The following CSMD1 variants were observed in gnomAD, a reference collection of about 807,000 sequenced individuals.
CSMD1 encodes the protein CUB and sushi domain-containing protein 1.
Under a neutral mutation model 417.5 loss-of-function variants are expected in CSMD1, and 213 were observed. The ratio of observed to expected loss-of-function variants is 0.51; its 90% confidence interval spans 0.46 to 0.57. CSMD1 has a LOEUF of 0.57. CSMD1 is among the 20% of genes least tolerant of loss of function. CSMD1 has a pLI of 0.00. For missense variants in CSMD1, 6,923 were observed against 4,529.7 expected (o/e 1.53, Z -15.17); for synonymous variants, 2,862 against 1,736.8 (o/e 1.65, Z -16.11).
intron 26 of CSMD1, among the ~76,000 whole-genome samples, chr8:3,282,913 A>C (rs1163836549): frequency 6.6e-6 from 1 of 152,168 alleles, no homozygotes. Flanking sequence ...TGCAAATTCC[A>C]CTTGTTTTAT....
At chr8:4,960,389 C>A (rs573799532) in intron 1 of CSMD1, among the ~76,000 whole-genome samples, 2 of 152,266 alleles carry the variant, frequency 1.3e-5, no homozygotes, top group East Asian at 1.9e-4. Context: ...TTTGAGAGAG[C>A]TGGCAAGCTA....
At position 3,931,619 on chromosome 8, in the gene CSMD1, G is replaced by C. The variant is rs974175029; in HGVS notation, c.818+66284C>G. ...TCAAATCATTGCGCCAAGAGTTAGAGACAGAGAAAAGTGCCTCAGGATGTC... is the reference window on the plus strand; with the variant it reads ...TCAAATCATTGCGCCAAGAGTTAGACACAGAGAAAAGTGCCTCAGGATGTC... On this transcript the variant is annotated intron_variant, in intron 5 of 69. Transcript: ENST00000635120. Among the ~76,000 whole-genome samples the C allele has an allele frequency of 2.0e-5, 3 of 149,874 alleles. 1 individual carries two copies. The East Asian group carries it at 5.9e-4, about 30-fold the overall frequency.
In CSMD1 at chr8:4,232,015, G is replaced by A. The variant is rs76478243; in HGVS notation, c.415+187938C>T. Among the ~76,000 whole-genome samples, 1,196 of 152,242 alleles carry A rather than the reference G, an allele frequency of 7.9e-3. 20 individuals are homozygous for A. The highest frequency in any genetic ancestry group is 0.026 in the African/African-American group (1,100 of 41,532). ...TAAAGCAAAGCCATCGACATAGGAC[G>A]TAAGTATGAAACAATATGTTGGCCT... On this transcript the variant is annotated intron_variant, in intron 3 of 69. Transcript: ENST00000635120.
chr8:4,163,291 T>C (rs1714739), intron 3 of CSMD1, among the ~76,000 whole-genome samples: 1 of 152,028 alleles, frequency 6.6e-6, no homozygotes, highest in Non-Finnish European at 1.5e-5. Flanking sequence ...GTATGTTTAG[T>C]TTTCTAAGAA....
intron 5 of CSMD1, among the ~76,000 whole-genome samples, chr8:3,871,688 T>C (rs1006590889): frequency 2.0e-5 from 3 of 152,230 alleles, no homozygotes; most frequent in African/African-American, 4.8e-5. Context: ...TCAATCATTT[T>C]CACCCAGGTA....
chr8:3,047,872 T>C (rs974983909), intron 50 of CSMD1, among the ~76,000 whole-genome samples: 1 of 152,286 alleles, frequency 6.6e-6, no homozygotes, highest in African/African-American at 2.4e-5. Context: ...CACAGAAATA[T>C]GGCTCATAGG....
chr8:4,522,855 A>G (rs964533639), intron 2 of CSMD1, among the ~76,000 whole-genome samples: 3 of 152,204 alleles, frequency 2.0e-5, no homozygotes, highest in African/African-American at 7.2e-5. Flanking sequence ...TCAGGGAACC[A>G]TGCCCTGGCT....
intron 1 of CSMD1, among the ~76,000 whole-genome samples, chr8:4,884,491 TG>T (rs199869988): frequency 0.015 from 2,315 of 152,194 alleles, 16 homozygotes; most frequent in Middle Eastern, 0.051. Flanking sequence ...GTGTTTTCTT[TG>T]TAAGGATTTT....
At chr8:4,114,217 A>G (rs1026753976) in intron 3 of CSMD1, among the ~76,000 whole-genome samples, 1 of 152,218 alleles carries the variant, frequency 6.6e-6, no homozygotes, top group African/African-American at 2.4e-5. Flanking sequence ...CTTTTAGTGG[A>G]AACCAATGTT....
At chr8:4,525,638 A>G (rs1796475212) in intron 2 of CSMD1, among the ~76,000 whole-genome samples, 1 of 152,104 alleles carries the variant, frequency 6.6e-6, no homozygotes, top group Non-Finnish European at 1.5e-5. Flanking sequence ...GGTTTTTGTC[A>G]TTACTTTTAA....
At chr8:4,304,067 G>A (rs551899199) in intron 3 of CSMD1, among the ~76,000 whole-genome samples, 7 of 152,100 alleles carry the variant, frequency 4.6e-5, no homozygotes, top group Non-Finnish European at 8.8e-5. Context: ...ACAAAGCCTC[G>A]ATGAAACCCT....
chr8:4,566,561 G>C (rs192098176), intron 2 of CSMD1, among the ~76,000 whole-genome samples: 20 of 150,782 alleles, frequency 1.3e-4, no homozygotes, highest in Middle Eastern at 3.5e-3. Context: ...GCTGAGGCAG[G>C]AGAGTGGCGT....
intron 15 of CSMD1, among the ~76,000 whole-genome samples, chr8:3,403,654 A>T (rs1201067107): frequency 6.6e-6 from 1 of 152,178 alleles, no homozygotes; most frequent in Non-Finnish European, 1.5e-5. Context: ...TGTGGCCAGG[A>T]CAGAACAGAG....
At chr8:3,665,824 A>T (rs756766232) in intron 7 of CSMD1, among the ~76,000 whole-genome samples, 2 of 152,176 alleles carry the variant, frequency 1.3e-5, no homozygotes, top group Non-Finnish European at 2.9e-5. Flanking sequence ...TTGAATGATC[A>T]ACCCAAGGCT....
intron 23 of CSMD1, among the ~76,000 whole-genome samples, chr8:3,342,454 T>C (rs1344904261): frequency 6.6e-6 from 1 of 152,202 alleles, no homozygotes. Context: ...GAGTGAAGGA[T>C]TTGACAATTT....
chr8:4,156,727 G>C (rs55826316), intron 3 of CSMD1, among the ~76,000 whole-genome samples: 34,829 of 151,988 alleles, frequency 0.23, 4,178 homozygotes, highest in South Asian at 0.36. Flanking sequence ...GTTTGCAGTG[G>C]GGCCAGTGAC....
intron 5 of CSMD1, among the ~76,000 whole-genome samples, chr8:3,803,648 G>T (rs903415874): frequency 6.6e-6 from 1 of 152,004 alleles, no homozygotes; most frequent in Non-Finnish European, 1.5e-5. Flanking sequence ...AGGAGAGGAG[G>T]GTTCATAGAG....
At chr8:4,170,716 G>A (rs1246653573) in intron 3 of CSMD1, among the ~76,000 whole-genome samples, 5 of 151,648 alleles carry the variant, frequency 3.3e-5, no homozygotes, top group Admixed American at 2.0e-4. Flanking sequence ...TAGCTAGCAT[G>A]TGGATTTTTT....
chr8:4,613,932 A>G (rs1801329260), intron 2 of CSMD1, among the ~76,000 whole-genome samples: 1 of 151,898 alleles, frequency 6.6e-6, no homozygotes, highest in South Asian at 2.1e-4. Flanking sequence ...AGAGATAGAG[A>G]AGTTTTCTTT....
Sources: allele counts gnomAD v4.1 joint callset (sites outside exome capture counted in the v4.1 genomes callset), GRCh38; gene constraint gnomAD v4.1.1; transcripts MANE v1.5; gene names NCBI Gene and HGNC (gene_info 2026-07-23, HGNC 2026-07-21).